The following STK3 variants were observed in gnomAD, a reference collection of about 807,000 sequenced individuals.
The protein encoded by STK3 is serine/threonine-protein kinase 3.
Under a neutral mutation model 58.0 loss-of-function variants are expected in STK3, and 41 were observed. That is an observed-to-expected ratio of 0.71 (90% CI 0.55 to 0.92). The LOEUF (loss-of-function observed/expected upper bound fraction) is 0.92. Among genes scored for constraint, STK3 ranks in the 40% least tolerant of loss-of-function variants. The probability of loss-of-function intolerance (pLI) is 0.00; values close to 1 mark genes in which losing one functional copy is unlikely to be tolerated. For missense variants in STK3, 479 were observed against 602.7 expected (o/e 0.79, Z 2.15); for synonymous variants, 170 against 191.0 (o/e 0.89, Z 0.91).
intron 1 of STK3, among the ~76,000 whole-genome samples, chr8:98,912,376 TCAA>T (rs149065670): frequency 0.046 from 6,945 of 150,568 alleles, 166 homozygotes; most frequent in African/African-American, 0.061. Flanking sequence ...AGACTGCATC[TCAA>T]CAACAACAAC....
intron 4 of STK3, among the ~76,000 whole-genome samples, chr8:98,732,650 CT>C (rs1427276952): frequency 6.6e-6 from 1 of 151,980 alleles, no homozygotes; most frequent in Non-Finnish European, 1.5e-5. Context: ...AGGAAATATC[CT>C]TTTTTTAATG....
At chr8:98,376,727 T>A (rs900951045) in intron 2 of STK3, among the ~76,000 whole-genome samples, 1 of 152,200 alleles carries the variant, frequency 6.6e-6, no homozygotes, top group Non-Finnish European at 1.5e-5. Flanking sequence ...GGAAAACGTA[T>A]GTTTATAACT....
intron 10 of STK3, among the ~76,000 whole-genome samples, chr8:98,485,202 T>C (rs776668916): frequency 1.1e-4 from 17 of 151,926 alleles, no homozygotes; most frequent in Non-Finnish European, 2.1e-4. Flanking sequence ...GATTGTGCCA[T>C]TGCACTCCAG....
chr8:98,418,951 AC>A (rs899403072), intron 3 of STK3, among the ~76,000 whole-genome samples: 4 of 151,990 alleles, frequency 2.6e-5, no homozygotes, highest in Admixed American at 6.6e-5. Context: ...ACCTCCCACC[AC>A]CCTTGGTGCC....
Position 98,671,573 on chromosome 8 carries a change from G to GTT in STK3, c.684+34892_684+34893dup, listed in dbSNP as rs559574167. On this transcript the variant is annotated intron_variant, in intron 6 of 10. Transcript: ENST00000419617. ...TTGTATATAAATTTTTTAGTTTGGG[G>GTT]TTTTTTTTTGTTTTTTGTTTTTTTG... Among the ~76,000 whole-genome samples the GTT allele has an allele frequency of 6.7e-3, 1,015 of 150,798 alleles. 7 individuals carry two copies. Among genetic ancestry groups the GTT allele is most frequent in the African/African-American group, 0.023 (952 of 41,110 alleles).
intron 3 of STK3, among the ~76,000 whole-genome samples, chr8:98,860,223 GAA>G (rs1836876080): frequency 2.0e-5 from 3 of 152,214 alleles, no homozygotes; most frequent in African/African-American, 4.8e-5. Flanking sequence ...GTGATAACAT[GAA>G]ATAGATAAGT....
chr8:98,420,199 C>T (rs1818153844), intron 3 of STK3, among the ~76,000 whole-genome samples: 2 of 152,084 alleles, frequency 1.3e-5, no homozygotes, highest in South Asian at 4.1e-4. Context: ...CTCTTGCTGT[C>T]CCATCCAGGA....
At position 98,766,659 on chromosome 8, in the gene STK3, C is replaced by A. The variant is rs981472567; in HGVS notation, c.236+584G>T. 2.0e-5 allele frequency among the ~76,000 whole-genome samples: 3 copies of A among 152,170 alleles called. No individual in the cohort carries two copies. The East Asian group carries it at 5.8e-4, about 29-fold the overall frequency. On this transcript the variant is annotated intron_variant, in intron 3 of 10. Coordinates refer to ENST00000419617, the MANE Select transcript of STK3 (RefSeq NM_006281.4). ...TTGAACTCCTGGGCTCCTTTACCCT[C>A]GATGCTCTGGCCTCTCTAAGGGTTG... is the stretch of plus-strand genomic sequence containing the variant.
chr8:98,767,012 T>C (rs1386521633), intron 3 of STK3, among the ~76,000 whole-genome samples: 1 of 151,978 alleles, frequency 6.6e-6, no homozygotes, highest in Admixed American at 6.6e-5. Context: ...TCCCAGATAC[T>C]CAGGGGGCTG....
chr8:98,623,274 T>C (rs1034536998), intron 6 of STK3, among the ~76,000 whole-genome samples: 2 of 152,042 alleles, frequency 1.3e-5, no homozygotes, highest in African/African-American at 4.8e-5. Flanking sequence ...AAAGTATAGA[T>C]ATTGACTGTT....
At chr8:98,573,753 C>T (rs140327520) in intron 8 of STK3, among the ~76,000 whole-genome samples, 330 of 152,182 alleles carry the variant, frequency 2.2e-3, no homozygotes, top group Non-Finnish European at 3.3e-3. Flanking sequence ...TACTTGGTAC[C>T]AATTTACTGT....
At chr8:98,917,000 C>G (rs545504802) in intron 1 of STK3, among the ~76,000 whole-genome samples, 25 of 152,260 alleles carry the variant, frequency 1.6e-4, no homozygotes, top group Admixed American at 1.4e-3. Flanking sequence ...GGAAGAGCAT[C>G]TGCACTTCTT....
At chr8:98,655,615 T>A (rs201579522) in intron 6 of STK3, among the ~76,000 whole-genome samples, 1 of 149,978 alleles carries the variant, frequency 6.7e-6, no homozygotes, top group Non-Finnish European at 1.5e-5. Context: ...CCAGAATCTA[T>A]AATGAACTCA....
chr8:98,557,524 A>G (rs1811692412), intron 8 of STK3, among the ~76,000 whole-genome samples: 1 of 152,064 alleles, frequency 6.6e-6, no homozygotes, highest in Non-Finnish European at 1.5e-5. Flanking sequence ...GGTAACTCTG[A>G]TCCAACTGAG....
intron 6 of STK3, among the ~76,000 whole-genome samples, chr8:98,654,274 A>T (rs974732473): frequency 1.3e-4 from 20 of 152,350 alleles, no homozygotes; most frequent in African/African-American, 4.6e-4. Context: ...CCTTTGACAA[A>T]ATTCAACAAT....
At chr8:98,877,775 G>C (rs1427631934) in intron 3 of STK3, among the ~76,000 whole-genome samples, 7 of 151,948 alleles carry the variant, frequency 4.6e-5, no homozygotes, top group Non-Finnish European at 5.9e-5. Context: ...GAGCCACCGT[G>C]CCCAGCCCAG....
chr8:98,869,081 A>AGGAG (rs1837263487), intron 3 of STK3, among the ~76,000 whole-genome samples: 1 of 140,896 alleles, frequency 7.1e-6, no homozygotes, highest in African/African-American at 2.9e-5. Flanking sequence ...GAAGGAAGGA[A>AGGAG]GGAGAGAAAG....
At chr8:98,356,803 T>C in the STK3 span, among the ~76,000 whole-genome samples, 2 of 152,218 alleles carry the variant, frequency 1.3e-5, no homozygotes, top group Non-Finnish European at 2.9e-5. Context: ...AGTCAATTTT[T>C]AATATTTAAA....
At chr8:98,909,518 C>A (rs1043219711) in intron 1 of STK3, among the ~76,000 whole-genome samples, 1 of 152,212 alleles carries the variant, frequency 6.6e-6, no homozygotes, top group Non-Finnish European at 1.5e-5. Flanking sequence ...ATCTACCCAT[C>A]CCCTCCCCCA....
Sources: allele counts gnomAD v4.1 joint callset (sites outside exome capture counted in the v4.1 genomes callset), GRCh38; gene constraint gnomAD v4.1.1; transcripts MANE v1.5; gene names NCBI Gene and HGNC (gene_info 2026-07-23, HGNC 2026-07-21).